FOXO1: variants seen among roughly 807,000 people sequenced by gnomAD.
FOXO1 encodes the protein forkhead box protein O1.
A neutral mutation model predicts 44.1 loss-of-function variants in FOXO1; 6 were observed. The observed-to-expected ratio is 0.14, with a 90% CI of 0.07 to 0.27. FOXO1 has a LOEUF of 0.27. Among genes scored for constraint, FOXO1 ranks in the 10% least tolerant of loss-of-function variants. The pLI is 1.00. For missense variants in FOXO1, 737 were observed against 888.8 expected, an observed-to-expected ratio of 0.83 and a Z score of 2.17; for synonymous variants, 380 against 362.7, an observed-to-expected ratio of 1.05 and a Z score of -0.54.
At chr13:40,598,220 C>G (rs1875667205) in intron 1 of FOXO1, among the ~76,000 whole-genome samples, 1 of 152,138 alleles carries the variant, frequency 6.6e-6, no homozygotes, top group Admixed American at 6.5e-5. Context: ...GAAACTGGCT[C>G]TTCAGGTGGA....
chr13:40,657,289 G>A (rs1375200067), intron 1 of FOXO1, among the ~76,000 whole-genome samples: 4 of 150,648 alleles, frequency 2.7e-5, no homozygotes, highest in South Asian at 4.2e-4. Flanking sequence ...TAGCGAAATC[G>A]TAAGGGAACA....
intron 1 of FOXO1, among the ~76,000 whole-genome samples, chr13:40,650,514 G>A (rs1459178214): frequency 6.6e-6 from 1 of 152,134 alleles, no homozygotes; most frequent in Non-Finnish European, 1.5e-5. Context: ...AACAGATTAA[G>A]AATGTTTATT....
chr13:40,573,537 A>G (rs1301355689), intron 1 of FOXO1, among the ~76,000 whole-genome samples: 3 of 152,198 alleles, frequency 2.0e-5, no homozygotes, highest in Non-Finnish European at 4.4e-5. Context: ...TGAATGACTA[A>G]GCAAACCTTA....
chr13:40,642,582 A>C (rs1218505680), intron 1 of FOXO1, among the ~76,000 whole-genome samples: 1 of 152,218 alleles, frequency 6.6e-6, no homozygotes, highest in African/African-American at 2.4e-5. Context: ...ATCCCATAAA[A>C]GACCCTCTAA....
intron 1 of FOXO1, among the ~76,000 whole-genome samples, chr13:40,620,798 G>GATTTTT (rs762814974): frequency 0.011 from 1,188 of 105,464 alleles, 46 homozygotes; most frequent in Admixed American, 0.061. Context: ...TCTTCCCCTT[G>GATTTTT]CTTTTTTTTT....
chr13:40,558,915 G>GT lies in FOXO1; in HGVS notation c.*133dup, dbSNP rs768846140. Reference sequence around the variant, plus strand: ...AGTCTGACGAAAGGAAAAAAGGAGGGTTTTTTTTTTTGTTTTTTTTTTTAA... The same window carrying GT: ...AGTCTGACGAAAGGAAAAAAGGAGGGTTTTTTTTTTTTGTTTTTTTTTTTAA... On this transcript the variant is annotated 3_prime_UTR_variant, in exon 3 of 3. Coordinates refer to ENST00000379561, the MANE Select transcript of FOXO1 (RefSeq NM_002015.4). The GT allele has an allele frequency of 0.036, 8,984 of 249,190 alleles. No homozygotes were observed. Among genetic ancestry groups the GT allele is most frequent in the Middle Eastern group, 0.064 (55 of 866 alleles). 15.4% of individuals were successfully genotyped at this position (249,190 alleles called of 1,614,324 possible). A position where few individuals can be genotyped will look rare whatever the true frequency, so the allele number is the denominator to read the frequency against.
chr13:40,584,152 T>C (rs959228869), intron 1 of FOXO1, among the ~76,000 whole-genome samples: 3 of 152,096 alleles, frequency 2.0e-5, no homozygotes, highest in African/African-American at 7.2e-5. Flanking sequence ...CAGTCTTATA[T>C]GGGTATTAGA....
rs531816853 is a variant in FOXO1, at chr13:40,663,542, G to A, written c.630+2041C>T. On this transcript the variant is annotated intron_variant, in intron 1 of 2. Coordinates refer to ENST00000379561, the MANE Select transcript of FOXO1 (RefSeq NM_002015.4). ...AGGGGGGAGGATTTTTTTTTTAAAT[G>A]GCTAATACTCTGTAACAGCTGAAGT... is the stretch of plus-strand genomic sequence containing the variant. Among the ~76,000 whole-genome samples the A allele has an allele frequency of 1.2e-3, 185 of 152,060 alleles. 1 individual carries two copies. Among genetic ancestry groups the A allele is most frequent in the African/African-American group, 4.3e-3 (179 of 41,488 alleles).
rs1483721132 is a variant in FOXO1, at chr13:40,557,484, A to G, written c.*1565T>C. 6.6e-6 allele frequency: 1 copy of G among 152,224 alleles called. No individual in the cohort carries two copies. The highest frequency in any genetic ancestry group is 1.5e-5 in the Non-Finnish European group (1 of 68,034). The allele number at this position is 152,224 out of a possible 1,614,324, so 9.4% of individuals were successfully genotyped here. On this transcript the variant is annotated 3_prime_UTR_variant, in exon 3 of 3. Transcript: ENST00000379561. Reference sequence around the variant, plus strand: ...AGCTGGTTTTCAAATAAATCTCCCCAATTTTTAAGTAAGTTCTATTCCATT... The same window carrying G: ...AGCTGGTTTTCAAATAAATCTCCCCGATTTTTAAGTAAGTTCTATTCCATT...
At chr13:40,595,571 G>A (rs1329753266) in intron 1 of FOXO1, among the ~76,000 whole-genome samples, 1 of 152,098 alleles carries the variant, frequency 6.6e-6, no homozygotes, top group Non-Finnish European at 1.5e-5. Context: ...AGGGTAAAAC[G>A]GGGCAGGGGT....
chr13:40,644,534 C>T (rs886113385), intron 1 of FOXO1, among the ~76,000 whole-genome samples: 36 of 152,168 alleles, frequency 2.4e-4, no homozygotes, highest in African/African-American at 8.4e-4. Context: ...ATGTTAAGAC[C>T]TGCACGTGAG....
At chr13:40,655,497 T>C (rs1288281616) in intron 1 of FOXO1, among the ~76,000 whole-genome samples, 1 of 152,102 alleles carries the variant, frequency 6.6e-6, no homozygotes, top group Admixed American at 6.6e-5. Context: ...GAAGGTAACT[T>C]AGACATTTAA....
chr13:40,618,681 C>G, intron 1 of FOXO1: 1 of 387,636 alleles, frequency 2.6e-6, no homozygotes, highest in Non-Finnish European at 5.0e-6. Flanking sequence ...AGGATGGATA[C>G]CATGGCATAT....
At chr13:40,569,238 T>C (rs530660175) in intron 1 of FOXO1, among the ~76,000 whole-genome samples, 1 of 152,334 alleles carries the variant, frequency 6.6e-6, no homozygotes, top group African/African-American at 2.4e-5. Flanking sequence ...ACTTGGGAAG[T>C]ACACTGTGAG....
rs111991105 is a variant in FOXO1, at chr13:40,620,799, C to CTTTTTTTTTT, written c.630+44774_630+44783dup. ...TGGAAAACTACTATTCTTCCCCTTG[C>CTTTTTTTTTT]TTTTTTTTTTTTTTTTTGAGATGGA... On this transcript the variant is annotated intron_variant, in intron 1 of 2. Transcript: ENST00000379561. Among the ~76,000 whole-genome samples, 44 of 121,220 alleles carry CTTTTTTTTTT rather than the reference C, an allele frequency of 3.6e-4. 2 individuals are homozygous for CTTTTTTTTTT. The highest frequency in any genetic ancestry group is 4.1e-3 in the Middle Eastern group (1 of 242). 79.5% of individuals were successfully genotyped at this position (121,220 alleles called of 152,430 possible).
intron 1 of FOXO1, among the ~76,000 whole-genome samples, chr13:40,640,233 T>G (rs1291102787): frequency 6.6e-6 from 1 of 152,182 alleles, no homozygotes; most frequent in Non-Finnish European, 1.5e-5. Context: ...GTAAAGGGAA[T>G]TAAAAGAATT....
chr13:40,617,419 G>A (rs1156288094), intron 1 of FOXO1, among the ~76,000 whole-genome samples: 1 of 149,220 alleles, frequency 6.7e-6, no homozygotes, highest in Non-Finnish European at 1.5e-5. Context: ...TGGGCAACAA[G>A]AGCAAAACTC....
chr13:40,605,046 G>A (rs927449436), intron 1 of FOXO1, among the ~76,000 whole-genome samples: 3 of 151,684 alleles, frequency 2.0e-5, no homozygotes, highest in African/African-American at 7.3e-5. Flanking sequence ...AATTAGTGAT[G>A]TTCTTTATCA....
chr13:40,585,977 G>A (rs1875149098), intron 1 of FOXO1, among the ~76,000 whole-genome samples: 1 of 152,184 alleles, frequency 6.6e-6, no homozygotes, highest in Non-Finnish European at 1.5e-5. Flanking sequence ...TGACTGACCT[G>A]TGAACTCCCT....
Sources: allele counts gnomAD v4.1 joint callset (sites outside exome capture counted in the v4.1 genomes callset), GRCh38; gene constraint gnomAD v4.1.1; transcripts MANE v1.5; gene names NCBI Gene and HGNC (gene_info 2026-07-23, HGNC 2026-07-21).